F5: variants seen among roughly 807,000 people sequenced by gnomAD.
F5 encodes the protein activated protein c cofactor.
In F5, 138 loss-of-function variants were observed where a neutral mutation model predicts 216.4. The observed-to-expected ratio is 0.64, with a 90% CI of 0.56 to 0.73. The LOEUF is 0.73. Ranked by LOEUF, F5 falls within the 30% of genes least tolerant of loss-of-function variation. The pLI is 0.00. For synonymous variants in F5, 916 were observed against 930.7 expected (o/e 0.98, Z 0.29); for missense variants, 2,403 against 2,674.0 (o/e 0.90, Z 2.24).
At chr1:169,522,737 C>G (rs889628380) in intron 21 of F5, among the ~76,000 whole-genome samples, 10 of 152,116 alleles carry the variant, frequency 6.6e-5, no homozygotes, top group African/African-American at 2.4e-4. Context: ...CATGGCCCCC[C>G]AAAAAGTCTG....
At chr1:169,548,187 T>A (rs759138750) in intron 10 of F5, among the ~76,000 whole-genome samples, 9 of 152,044 alleles carry the variant, frequency 5.9e-5, no homozygotes, top group Non-Finnish European at 1.2e-4. Context: ...CTGGGGCCTA[T>A]CAGAGGATGG....
chr1:169,535,084 C>T (rs9332614), intron 14 of F5, among the ~76,000 whole-genome samples: 8,385 of 152,192 alleles, frequency 0.055, 350 homozygotes, highest in Admixed American at 0.1. Context: ...ACTATGCACG[C>T]TACTTGGATG....
Position 169,549,912 on chromosome 1 carries a change from G to A in F5, c.1500C>T (p.Cys500=). 6.2e-7 allele frequency: 1 copy of A among 1,614,064 alleles called. No individual in the cohort carries two copies. Among genetic ancestry groups the A allele is most frequent in the Non-Finnish European group, 8.5e-7 (1 of 1,179,960 alleles). Residue 500 remains cysteine (C), a synonymous_variant, in exon 10 of 25, where the codon TGC becomes TGT. Coordinates refer to ENST00000367797, the MANE Select transcript of F5 (RefSeq NM_000130.5). ...CGTCACTGTAGTATGGTCTTGTTAA[G>A]CACTGGGCATCATTTTCTGTGGGTT... is the stretch of plus-strand genomic sequence containing the variant. ...FDEPTENDAQ[C]LTRPYYSDVD...
intron 5 of F5, among the ~76,000 whole-genome samples, chr1:169,558,068 T>A (rs1660373040): frequency 6.6e-6 from 1 of 152,198 alleles, no homozygotes; most frequent in African/African-American, 2.4e-5. Context: ...TGGTTTTGCT[T>A]TTCTTGGCAT....
At chr1:169,558,875 G>C (rs1660391001) in intron 5 of F5, among the ~76,000 whole-genome samples, 1 of 152,140 alleles carries the variant, frequency 6.6e-6, no homozygotes, top group Admixed American at 6.5e-5. Context: ...AACTCGGAGA[G>C]AGTGGCTGAG....
At chr1:169,550,107 A>G (rs1236149597) in intron 9 of F5, 92 bp from the exon 10 acceptor site, 1 of 989,910 alleles carries the variant, frequency 1.0e-6, no homozygotes, top group Non-Finnish European at 1.6e-6. Context: ...ACCAATTAAT[A>G]TTGCAAAAGG....
intron 3 of F5, among the ~76,000 whole-genome samples, chr1:169,561,793 TG>T (rs974948776): frequency 5.9e-5 from 9 of 152,062 alleles, no homozygotes; most frequent in African/African-American, 2.2e-4. Flanking sequence ...AACAAGGATC[TG>T]GGGAAAAAAG....
Position 169,519,110 on chromosome 1 carries a change from A to G in F5, c.6194-547T>C, listed in dbSNP as rs180920863. 8.5e-5 allele frequency among the ~76,000 whole-genome samples: 13 copies of G among 152,322 alleles called. No homozygotes were observed. In the East Asian group the frequency reaches 2.5e-3, roughly 29 times the overall value. On this transcript the variant is annotated intron_variant, in intron 22 of 24. Coordinates refer to ENST00000367797, the MANE Select transcript of F5 (RefSeq NM_000130.5). ...GTGTAATTTGAATATCATAGGCAGCAAGGCAGACCTGTGACTGTAAGAAAC... is the reference window on the plus strand; with the variant it reads ...GTGTAATTTGAATATCATAGGCAGCGAGGCAGACCTGTGACTGTAAGAAAC...
chr1:169,577,560 AAT>A (rs3035292), intron 2 of F5, among the ~76,000 whole-genome samples: 3,295 of 54,142 alleles, frequency 0.061, 60 homozygotes, highest in Non-Finnish European at 0.084. Flanking sequence ...GGCTAATTTA[AAT>A]ATATATATAT....
intron 21 of F5, among the ~76,000 whole-genome samples, chr1:169,521,224 G>T (rs139020459): frequency 1.4e-3 from 215 of 152,262 alleles, no homozygotes; most frequent in Middle Eastern, 3.4e-3. Context: ...GCTGAATGGG[G>T]AGCCTAGACT....
intron 17 of F5, among the ~76,000 whole-genome samples, chr1:169,526,961 G>T (rs1179554121): frequency 6.6e-6 from 1 of 151,800 alleles, no homozygotes; most frequent in African/African-American, 2.4e-5. Context: ...AAACCAATAA[G>T]AACCCTCTTT....
chr1:169,521,519 C>G (rs1659305940), intron 21 of F5, among the ~76,000 whole-genome samples: 1 of 151,132 alleles, frequency 6.6e-6, no homozygotes, highest in African/African-American at 2.4e-5. Flanking sequence ...AAAAAGCCAA[C>G]TTTTTAAAAC....
chr1:169,560,518 T>G, intron 4 of F5, 36 bp downstream of exon 4: 5 of 1,591,012 alleles, frequency 3.1e-6, no homozygotes, highest in East Asian at 2.2e-5. Context: ...CATTCCAACA[T>G]TTAGTTGTTG....
At chr1:169,524,934 TA>T in intron 18 of F5, 26 bp from the exon 19 acceptor site, 2 of 1,572,466 alleles carry the variant, frequency 1.3e-6, no homozygotes, top group East Asian at 2.3e-5. Context: ...AAAAAATGAA[TA>T]ATTTTTGCTT....
Position 169,523,287 on chromosome 1 carries a change from C to T in F5, c.5958G>A (p.Lys1986=). ...CATAGAACTCTGTGGTATAGCAGGA[C>T]TTCAGGTAGTGTTTGGCACCTTGGG... The part of the protein sequence containing the change: ...IQTQGAKHYL[K]SCYTTEFYVA... Residue 1986 remains lysine (K), a synonymous_variant, in exon 21 of 25, where the codon AAG becomes AAA. Transcript: ENST00000367797. 6.2e-7 allele frequency: 1 copy of T among 1,614,080 alleles called. No homozygotes were observed. Among genetic ancestry groups the T allele is most frequent in the Non-Finnish European group, 8.5e-7 (1 of 1,179,968 alleles).
rs3035292 is a variant in F5, at chr1:169,577,560, AATATATATATATATATATATATATATAT to A, written c.250+4843_250+4870del. 7.0e-4 allele frequency among the ~76,000 whole-genome samples: 38 copies of A among 54,470 alleles called. 1 individual carries two copies. Among genetic ancestry groups the A allele is most frequent in the East Asian group, 1.6e-3 (3 of 1,928 alleles). 35.7% of individuals were successfully genotyped at this position (54,470 alleles called of 152,430 possible). A position where few individuals can be genotyped will look rare whatever the true frequency, so the allele number is the denominator to read the frequency against. ...TGTACCACCATGTCTGGCTAATTTA[AATATATATATATATATATATATATATAT>A]ATATATATATATATATGTATGTATT... On this transcript the variant is annotated intron_variant, in intron 2 of 24. Transcript: ENST00000367797.
In F5 at chr1:169,572,299, T is replaced by C. The variant is rs1298868363; in HGVS notation, c.295A>G (p.Lys99Glu). 6.2e-7 allele frequency: 1 copy of C among 1,613,302 alleles called. No individual in the cohort carries two copies. The highest frequency in any genetic ancestry group is 1.3e-5 in the African/African-American group (1 of 74,888). ...TLYAEVGDII[K>E]VHFKNKADKP... ...TCTGCCTTATTTTTAAAGTGAACTT[T>C]TATGATGTCTCCGACTTCAGCATAT... The change falls in exon 3 of 25, where the codon AAA (lysine) becomes GAA (glutamate). Residue 99 changes from lysine to glutamate, a missense_variant. Physicochemically the swap from Lys to Glu is moderately conservative, Grantham distance 56 (BLOSUM62 1). Coordinates refer to ENST00000367797, the MANE Select transcript of F5 (RefSeq NM_000130.5).
chr1:169,536,781 G>A (rs1659715174), intron 13 of F5, 101 bp from the exon 14 acceptor site: 4 of 897,310 alleles, frequency 4.5e-6, no homozygotes, highest in South Asian at 3.0e-5. Context: ...CATAGAGAAG[G>A]TCTTTAATAA....
chr1:169,550,567 G>T, intron 9 of F5, 73 bp downstream of exon 9: 1 of 1,144,626 alleles, frequency 8.7e-7, no homozygotes, highest in Non-Finnish European at 1.3e-6. Flanking sequence ...CACCGGGCAA[G>T]GAGAATAGCA....
Sources: allele counts gnomAD v4.1 joint callset (sites outside exome capture counted in the v4.1 genomes callset), GRCh38; gene constraint gnomAD v4.1.1; transcripts MANE v1.5; gene names NCBI Gene and HGNC (gene_info 2026-07-23, HGNC 2026-07-21).